The following TENM3 variants were observed in gnomAD, a reference collection of about 807,000 sequenced individuals.
TENM3 encodes the protein teneurin-3.
In TENM3, 63 loss-of-function variants were observed where a neutral mutation model predicts 255.1. The observed-to-expected ratio is 0.25, with a 90% CI of 0.20 to 0.30. The LOEUF is 0.30. Ranked by LOEUF, TENM3 falls within the 10% of genes least tolerant of loss-of-function variation. TENM3 has a pLI of 1.00. For missense variants in TENM3, 2,929 were observed against 3,461.1 expected (o/e 0.85, Z 3.86); for synonymous variants, 1,306 against 1,322.3 (o/e 0.99, Z 0.27).
the TENM3 span, among the ~76,000 whole-genome samples, chr4:181,516,303 G>A: frequency 6.6e-5 from 10 of 150,950 alleles, no homozygotes; most frequent in East Asian, 7.8e-4. Flanking sequence ...GCCAACCACC[G>A]TGGCACACAT....
chr4:181,843,839 C>T, the TENM3 span, among the ~76,000 whole-genome samples: 293 of 151,430 alleles, frequency 1.9e-3, 2 homozygotes, highest in African/African-American at 6.8e-3. Context: ...CCTGCCTTAG[C>T]CTCCCAAGTA....
chr4:182,259,590 T>C (rs930584650), intron 1 of TENM3, among the ~76,000 whole-genome samples: 2 of 152,166 alleles, frequency 1.3e-5, no homozygotes, highest in African/African-American at 4.8e-5. Flanking sequence ...TGGGAACAGG[T>C]GTAAGCCACC....
intron 3 of TENM3, among the ~76,000 whole-genome samples, chr4:182,523,391 G>T (rs1375203003): frequency 6.6e-6 from 1 of 151,998 alleles, no homozygotes; most frequent in Non-Finnish European, 1.5e-5. Context: ...TGTCTGCTTT[G>T]TCCTCGGTTA....
At chr4:181,652,117 T>C in the TENM3 span, among the ~76,000 whole-genome samples, 5 of 147,158 alleles carry the variant, frequency 3.4e-5, no homozygotes, top group African/African-American at 1.3e-4. Context: ...TTTTCCCTTT[T>C]GGCAAATCAC....
chr4:182,154,106 A>G (rs1244952423), intron 1 of TENM3, among the ~76,000 whole-genome samples: 1 of 152,034 alleles, frequency 6.6e-6, no homozygotes, highest in Non-Finnish European at 1.5e-5. Flanking sequence ...TTAGGAGTAG[A>G]TATAAATTAT....
chr4:182,334,881 G>A (rs1411445745), intron 2 of TENM3, among the ~76,000 whole-genome samples: 1 of 152,176 alleles, frequency 6.6e-6, no homozygotes, highest in African/African-American at 2.4e-5. Flanking sequence ...CTTGAGCCAT[G>A]AGTAGCAGAA....
chr4:182,326,208 T>C (rs780480256), intron 2 of TENM3, among the ~76,000 whole-genome samples: 5 of 152,210 alleles, frequency 3.3e-5, no homozygotes, highest in Non-Finnish European at 7.3e-5. Flanking sequence ...CCGAACTTTG[T>C]AGAAACGTAA....
the TENM3 span, among the ~76,000 whole-genome samples, chr4:182,061,934 G>C: frequency 6.6e-6 from 1 of 152,138 alleles, no homozygotes; most frequent in Admixed American, 6.5e-5. Flanking sequence ...TCCAGCCTGG[G>C]TGACAGAGCT....
intron 3 of TENM3, among the ~76,000 whole-genome samples, chr4:182,436,694 T>C (rs1355647132): frequency 6.6e-6 from 1 of 152,200 alleles, no homozygotes; most frequent in Non-Finnish European, 1.5e-5. Flanking sequence ...ACACACCTTG[T>C]TACCTCTCTT....
intron 3 of TENM3, among the ~76,000 whole-genome samples, chr4:182,366,155 C>G (rs1766417992): frequency 6.6e-6 from 1 of 151,930 alleles, no homozygotes; most frequent in Non-Finnish European, 1.5e-5. Flanking sequence ...AACCCTTAAT[C>G]TATTTGTAAA....
the TENM3 span, among the ~76,000 whole-genome samples, chr4:181,869,848 C>T: frequency 6.6e-6 from 1 of 151,962 alleles, no homozygotes; most frequent in Non-Finnish European, 1.5e-5. Context: ...ATAAAATTGG[C>T]ATTAAAATGC....
At chr4:182,051,784 A>G in the TENM3 span, among the ~76,000 whole-genome samples, 1 of 152,212 alleles carries the variant, frequency 6.6e-6, no homozygotes, top group Non-Finnish European at 1.5e-5. Flanking sequence ...TGCCCTGTAT[A>G]ACACAATTAG....
the TENM3 span, among the ~76,000 whole-genome samples, chr4:181,665,715 G>T: frequency 6.6e-6 from 1 of 151,834 alleles, no homozygotes; most frequent in Non-Finnish European, 1.5e-5. Context: ...GTTCTGCATA[G>T]AGACATAAAA....
chr4:182,379,222 T>C (rs1767397190), intron 3 of TENM3, among the ~76,000 whole-genome samples: 1 of 152,124 alleles, frequency 6.6e-6, no homozygotes, highest in African/African-American at 2.4e-5. Flanking sequence ...CCGGGCGTGG[T>C]AGTGGGCTCC....
chr4:181,467,095 GTGTGTGTGTATATATATATATA>G, the TENM3 span, among the ~76,000 whole-genome samples: 1 of 71,852 alleles, frequency 1.4e-5, no homozygotes, highest in Non-Finnish European at 2.6e-5. Context: ...GTGTGTGTGT[GTGTGTGTGTATATATATATATA>G]TATATATATT....
chr4:181,886,089 A>G, the TENM3 span, among the ~76,000 whole-genome samples: 2 of 126,594 alleles, frequency 1.6e-5, no homozygotes, highest in Non-Finnish European at 3.1e-5. Flanking sequence ...GTCTCCCTCC[A>G]TCACTCAGGC....
At chr4:182,406,027 T>G (rs555388334) in intron 3 of TENM3, among the ~76,000 whole-genome samples, 14 of 152,312 alleles carry the variant, frequency 9.2e-5, no homozygotes, top group African/African-American at 2.6e-4. Flanking sequence ...GGACTCACAC[T>G]GGGCATGGTG....
At chr4:181,528,259 C>A in the TENM3 span, among the ~76,000 whole-genome samples, 2 of 152,124 alleles carry the variant, frequency 1.3e-5, no homozygotes, top group Non-Finnish European at 2.9e-5. Context: ...AGTTTCTACA[C>A]AGGACTCTTT....
intron 1 of TENM3, among the ~76,000 whole-genome samples, chr4:182,164,210 A>G (rs1751557528): frequency 6.6e-6 from 1 of 152,154 alleles, no homozygotes. Context: ...TCAGGCTCCC[A>G]AAACTAACAT....
Sources: allele counts gnomAD v4.1 joint callset (sites outside exome capture counted in the v4.1 genomes callset), GRCh38; gene constraint gnomAD v4.1.1; transcripts MANE v1.5; gene names NCBI Gene and HGNC (gene_info 2026-07-23, HGNC 2026-07-21).